Variants in TMC1 observed in about 807,000 individuals in gnomAD.
TMC1 encodes the protein transmembrane channel like 1.
A neutral mutation model predicts 105.8 loss-of-function variants in TMC1; 84 were observed. The ratio of observed to expected loss-of-function variants is 0.79; its 90% CI spans 0.67 to 0.95. TMC1 has a LOEUF of 0.95. Ranked by LOEUF, TMC1 falls within the 40% of genes least tolerant of loss-of-function variation. The pLI, the probability that TMC1 is intolerant of heterozygous loss-of-function variation, is 0.00. For missense variants in TMC1, 817 were observed against 914.1 expected, an observed-to-expected ratio of 0.89 and a Z score of 1.37; for synonymous variants, 315 against 311.5, an observed-to-expected ratio of 1.01 and a Z score of -0.12.
chr9:72,596,966 G>A (rs965194563), intron 2 of TMC1, among the ~76,000 whole-genome samples: 2 of 152,194 alleles, frequency 1.3e-5, no homozygotes, highest in Non-Finnish European at 2.9e-5. Context: ...TTGTGATGGT[G>A]TAGAAGGCAC....
chr9:72,639,848 C>A (rs1177653264), intron 4 of TMC1, among the ~76,000 whole-genome samples: 1 of 152,106 alleles, frequency 6.6e-6, no homozygotes. Flanking sequence ...TTTAAAATGG[C>A]CATAGCTTTT....
intron 4 of TMC1, among the ~76,000 whole-genome samples, chr9:72,638,164 C>T (rs377051703): frequency 6.6e-6 from 1 of 152,238 alleles, no homozygotes; most frequent in East Asian, 1.9e-4. Context: ...CTCCTCCCGC[C>T]CCCAGCCTGC....
intron 17 of TMC1, among the ~76,000 whole-genome samples, chr9:72,796,491 G>A (rs1054531857): frequency 2.0e-5 from 3 of 152,064 alleles, no homozygotes; most frequent in Non-Finnish European, 2.9e-5. Flanking sequence ...CTTGCAAACC[G>A]AATTCAGCAG....
At chr9:72,834,357 C>T (rs1161126199) in intron 23 of TMC1, among the ~76,000 whole-genome samples, 3 of 152,020 alleles carry the variant, frequency 2.0e-5, no homozygotes, top group African/African-American at 7.3e-5. Context: ...TGGTAATTCC[C>T]CTGCTTTGTG....
intron 1 of TMC1, among the ~76,000 whole-genome samples, chr9:72,560,260 C>T (rs969474518): frequency 2.0e-5 from 3 of 152,168 alleles, no homozygotes; most frequent in Non-Finnish European, 4.4e-5. Flanking sequence ...TTATTTACTT[C>T]CCAAGAGCCA....
chr9:72,753,078 C>T (rs1827608451), intron 11 of TMC1, among the ~76,000 whole-genome samples: 1 of 152,030 alleles, frequency 6.6e-6, no homozygotes, highest in Non-Finnish European at 1.5e-5. Flanking sequence ...AGGACTAGAA[C>T]CCATGATTCA....
intron 15 of TMC1, 46 bp downstream of exon 15, chr9:72,789,363 T>G: frequency 1.3e-6 from 2 of 1,582,726 alleles, no homozygotes; most frequent in Non-Finnish European, 8.7e-7. Flanking sequence ...TGACATTTGT[T>G]TCTTTTGTGG....
At chr9:72,714,695 C>T (rs1826890315) in intron 8 of TMC1, among the ~76,000 whole-genome samples, 2 of 152,104 alleles carry the variant, frequency 1.3e-5, no homozygotes, top group African/African-American at 4.8e-5. Flanking sequence ...ATACAGCACA[C>T]CAATGGGTCT....
At chr9:72,636,707 C>CAAAAAAAA (rs59553107) in intron 4 of TMC1, among the ~76,000 whole-genome samples, 19,245 of 81,392 alleles carry the variant, frequency 0.24, 2,568 homozygotes, top group East Asian at 0.39. Flanking sequence ...GACTCCATCT[C>CAAAAAAAA]AAAAAAAAAA....
intron 21 of TMC1, among the ~76,000 whole-genome samples, chr9:72,829,662 T>G (rs1829011363): frequency 6.6e-6 from 1 of 152,198 alleles, no homozygotes; most frequent in Non-Finnish European, 1.5e-5. Context: ...TAGCACCAGA[T>G]GGTTCATAAA....
intron 2 of TMC1, among the ~76,000 whole-genome samples, chr9:72,615,354 A>C (rs1186711575): frequency 7.9e-5 from 12 of 152,152 alleles, no homozygotes; most frequent in Admixed American, 7.9e-4. Context: ...TGGAATTTGC[A>C]CCCAGACAAT....
chr9:72,736,743 C>G (rs1007863909), intron 8 of TMC1, among the ~76,000 whole-genome samples: 1 of 151,898 alleles, frequency 6.6e-6, no homozygotes, highest in Non-Finnish European at 1.5e-5. Flanking sequence ...TTCTTGATGC[C>G]AAATAACTGA....
chr9:72,764,527 AAG>A (rs1304434155), intron 12 of TMC1, among the ~76,000 whole-genome samples: 7 of 152,186 alleles, frequency 4.6e-5, no homozygotes, highest in Non-Finnish European at 1.0e-4. Flanking sequence ...GGAAAAATTA[AAG>A]AGTTTTTCCA....
At chr9:72,742,877 A>G (rs969634136) in intron 10 of TMC1, among the ~76,000 whole-genome samples, 1 of 152,254 alleles carries the variant, frequency 6.6e-6, no homozygotes, top group Non-Finnish European at 1.5e-5. Context: ...AATGAACATG[A>G]CATTGAGAAT....
intron 4 of TMC1, among the ~76,000 whole-genome samples, chr9:72,642,905 TCTC>T (rs1268339304): frequency 3.3e-5 from 5 of 152,130 alleles, no homozygotes; most frequent in African/African-American, 1.2e-4. Flanking sequence ...TGTGGTTAAT[TCTC>T]CTAGCTCCTG....
Position 72,815,695 on chromosome 9 carries a change from A to G in TMC1, c.1696-448A>G, listed in dbSNP as rs1828776008. Among the ~76,000 whole-genome samples, 5 of 152,342 alleles carry G rather than the reference A, an allele frequency of 3.3e-5. No individual in the cohort carries two copies. In the Middle Eastern group the frequency reaches 0.014, roughly 415 times the overall value. The stretch of plus-strand genomic sequence containing the variant: ...ATCATAGTATAAATATACTGTATAT[A>G]CATAACTAATGTTCAACACTTAGAT... On this transcript the variant is annotated intron_variant, in intron 18 of 23. Transcript: ENST00000297784.
At chr9:72,790,711 A>G (rs112021373) in intron 15 of TMC1, among the ~76,000 whole-genome samples, 3 of 152,300 alleles carry the variant, frequency 2.0e-5, no homozygotes, top group African/African-American at 4.8e-5. Context: ...ATGGAGATTC[A>G]TGAGTAACTT....
chr9:72,737,714 C>T (rs150986900), intron 8 of TMC1, among the ~76,000 whole-genome samples: 115 of 152,300 alleles, frequency 7.6e-4, no homozygotes, highest in African/African-American at 2.6e-3. Flanking sequence ...TGTCTTATCA[C>T]CTCTAAAAGA....
At chr9:72,608,858 A>G (rs908038841) in intron 2 of TMC1, among the ~76,000 whole-genome samples, 1 of 152,106 alleles carries the variant, frequency 6.6e-6, no homozygotes, top group Non-Finnish European at 1.5e-5. Context: ...CATCATAGGG[A>G]GACTATAAAG....
Sources: allele counts gnomAD v4.1 joint callset (sites outside exome capture counted in the v4.1 genomes callset), GRCh38; gene constraint gnomAD v4.1.1; transcripts MANE v1.5; gene names NCBI Gene and HGNC (gene_info 2026-07-23, HGNC 2026-07-21).